Variants in NKAIN3 observed in about 807,000 individuals in gnomAD.
The protein encoded by NKAIN3 is sodium/potassium-transporting ATPase subunit beta-1-interacting protein 3.
NKAIN3 carries 25 observed loss-of-function variants against 30.2 expected under a neutral mutation model. The ratio of observed to expected loss-of-function variants is 0.83; its 90% confidence interval spans 0.60 to 1.16. The LOEUF (loss-of-function observed/expected upper bound fraction) is 1.16. Ranked by LOEUF, NKAIN3 falls within the 50% of genes most tolerant of loss-of-function variation. The pLI is 0.00. For synonymous variants in NKAIN3, 91 were observed against 89.6 expected (o/e 1.02, Z -0.09); for missense variants, 225 against 254.1 (o/e 0.89, Z 0.78).
chr8:62,865,505 C>T (rs1411838803), intron 4 of NKAIN3, among the ~76,000 whole-genome samples: 1 of 151,928 alleles, frequency 6.6e-6, no homozygotes, highest in Admixed American at 6.6e-5. Context: ...CTTTTGACTT[C>T]CCTTAGTGGT....
chr8:62,418,433 A>C (rs1804523584), intron 1 of NKAIN3, among the ~76,000 whole-genome samples: 1 of 152,172 alleles, frequency 6.6e-6, no homozygotes, highest in Non-Finnish European at 1.5e-5. Flanking sequence ...CCTTTAAGGT[A>C]GTAGCCAGCT....
At chr8:62,729,040 C>CAAAAAAAAAAAAAAAAAAAAAAAAAAAA (rs1317282077) in intron 3 of NKAIN3, among the ~76,000 whole-genome samples, 3 of 61,196 alleles carry the variant, frequency 4.9e-5, no homozygotes, top group Admixed American at 2.2e-4. Flanking sequence ...AAAAAAAAAA[C>CAAAAAAAAAAAAAAAAAAAAAAAAAAAA]AAAAAAAAAA....
chr8:62,795,335 G>C (rs959000070), intron 4 of NKAIN3, among the ~76,000 whole-genome samples: 1 of 152,160 alleles, frequency 6.6e-6, no homozygotes, highest in Admixed American at 6.6e-5. Flanking sequence ...TTAGAGGTTA[G>C]TGAAAAGAAA....
chr8:62,314,092 T>C (rs780274467), intron 1 of NKAIN3, among the ~76,000 whole-genome samples: 2 of 152,140 alleles, frequency 1.3e-5, no homozygotes, highest in South Asian at 2.1e-4. Context: ...TCTGAATAAC[T>C]ATCTCTCAAG....
chr8:62,460,355 G>T (rs1376014822), intron 1 of NKAIN3, among the ~76,000 whole-genome samples: 2 of 149,188 alleles, frequency 1.3e-5, no homozygotes, highest in East Asian at 4.0e-4. Flanking sequence ...GGGTTGCCGT[G>T]AGCTGAGATC....
At chr8:62,914,385 C>T (rs183307269) in intron 4 of NKAIN3, among the ~76,000 whole-genome samples, 1 of 152,216 alleles carries the variant, frequency 6.6e-6, no homozygotes, top group Admixed American at 6.5e-5. Flanking sequence ...GAAAAGATAA[C>T]TATTGGGTAC....
chr8:62,297,378 A>T (rs930634464), intron 1 of NKAIN3, among the ~76,000 whole-genome samples: 2 of 152,096 alleles, frequency 1.3e-5, no homozygotes, highest in African/African-American at 4.8e-5. Context: ...CATCAGAGTG[A>T]ACAGGCAACC....
chr8:62,704,537 AT>A (rs1385013751), intron 3 of NKAIN3, among the ~76,000 whole-genome samples: 1 of 152,032 alleles, frequency 6.6e-6, no homozygotes, highest in Non-Finnish European at 1.5e-5. Context: ...GTAGGCTCAT[AT>A]GTAAAAGTTG....
intron 4 of NKAIN3, among the ~76,000 whole-genome samples, chr8:62,897,046 C>A (rs79197149): frequency 6.9e-6 from 1 of 144,092 alleles, no homozygotes; most frequent in Non-Finnish European, 1.5e-5. Flanking sequence ...ATTTTTGAAG[C>A]AGAAGGGAAA....
chr8:62,282,154 G>A (rs1181529489), intron 1 of NKAIN3, among the ~76,000 whole-genome samples: 1 of 152,006 alleles, frequency 6.6e-6, no homozygotes, highest in East Asian at 1.9e-4. Flanking sequence ...TTCTCATGTG[G>A]TCTTCAGACT....
chr8:62,645,172 C>T (rs941496461), intron 3 of NKAIN3, among the ~76,000 whole-genome samples: 2 of 152,130 alleles, frequency 1.3e-5, no homozygotes, highest in African/African-American at 4.8e-5. Context: ...CTGTTAACAG[C>T]GGACCACTCT....
At chr8:62,633,360 A>G (rs1241526463) in intron 3 of NKAIN3, among the ~76,000 whole-genome samples, 1 of 152,166 alleles carries the variant, frequency 6.6e-6, no homozygotes, top group Non-Finnish European at 1.5e-5. Context: ...CTGAATGCTT[A>G]CTATCTCAGT....
intron 4 of NKAIN3, among the ~76,000 whole-genome samples, chr8:62,849,355 T>C (rs1320356302): frequency 6.6e-6 from 1 of 150,620 alleles, no homozygotes; most frequent in East Asian, 2.0e-4. Context: ...TTCAGAACTC[T>C]CTATTGGTCT....
At chr8:62,395,290 G>A (rs958298193) in intron 1 of NKAIN3, among the ~76,000 whole-genome samples, 10 of 133,004 alleles carry the variant, frequency 7.5e-5, no homozygotes, top group Admixed American at 1.5e-4. Flanking sequence ...GGGGCCGGGC[G>A]GAGGCCCCCC....
intron 4 of NKAIN3, among the ~76,000 whole-genome samples, chr8:62,753,648 C>T (rs989639766): frequency 6.6e-6 from 1 of 152,008 alleles, no homozygotes; most frequent in Non-Finnish European, 1.5e-5. Flanking sequence ...ACTAATTTAG[C>T]AATTTGTAAA....
chr8:62,557,419 C>T (rs1809435362), intron 1 of NKAIN3, among the ~76,000 whole-genome samples: 1 of 151,770 alleles, frequency 6.6e-6, no homozygotes, highest in Non-Finnish European at 1.5e-5. Flanking sequence ...AGGTAGATAC[C>T]CTGTAATGGG....
chr8:62,556,678 C>CA (rs949790840), intron 1 of NKAIN3, among the ~76,000 whole-genome samples: 7 of 150,582 alleles, frequency 4.6e-5, no homozygotes, highest in African/African-American at 9.7e-5. Context: ...GAATTTAAGG[C>CA]AAAAAAACAT....
chr8:62,339,667 T>A (rs1358413332), intron 1 of NKAIN3, among the ~76,000 whole-genome samples: 1 of 152,056 alleles, frequency 6.6e-6, no homozygotes, highest in Non-Finnish European at 1.5e-5. Context: ...ACTTGTAGAT[T>A]CCTTTAAATT....
chr8:62,861,903 G>A (rs976086910), intron 4 of NKAIN3, among the ~76,000 whole-genome samples: 7 of 152,158 alleles, frequency 4.6e-5, no homozygotes, highest in African/African-American at 1.4e-4. Context: ...ATTAGCACAG[G>A]TGAACTATAG....
Sources: gnomAD v4.1 joint callset for allele counts (sites outside exome capture counted in the v4.1 genomes callset) on GRCh38, gnomAD v4.1.1 for gene constraint, MANE v1.5 for transcripts, NCBI Gene and HGNC (gene_info 2026-07-23, HGNC 2026-07-21) for gene names.